The following KCNB2 variants were observed in gnomAD, a reference collection of about 807,000 sequenced individuals.
The protein encoded by KCNB2 is potassium voltage-gated channel subfamily B member 2, also known as delayed rectifier potassium channel protein.
Under a neutral mutation model 61.5 loss-of-function variants are expected in KCNB2, and 15 were observed. The observed-to-expected ratio is 0.24, with a 90% CI of 0.16 to 0.38. The LOEUF is 0.38. Among genes scored for constraint, KCNB2 ranks in the 10% least tolerant of loss-of-function variants. The pLI is 1.00. For missense variants in KCNB2, 828 were observed against 1,125.2 expected, an observed-to-expected ratio of 0.74 and a Z score of 3.78; for synonymous variants, 457 against 446.0, an observed-to-expected ratio of 1.02 and a Z score of -0.31.
At chr8:72,639,104 A>G (rs905497832) in intron 2 of KCNB2, among the ~76,000 whole-genome samples, 3 of 152,080 alleles carry the variant, frequency 2.0e-5, no homozygotes, top group Non-Finnish European at 4.4e-5. Flanking sequence ...AATTTCAGAT[A>G]CTTCTATGGT....
chr8:72,829,508 T>A (rs1809654168), intron 2 of KCNB2, among the ~76,000 whole-genome samples: 1 of 152,212 alleles, frequency 6.6e-6, no homozygotes, highest in Admixed American at 6.5e-5. Flanking sequence ...GCGTTCATAG[T>A]TCCCAAAGAA....
At chr8:72,606,571 G>T (rs578055156) in intron 2 of KCNB2, among the ~76,000 whole-genome samples, 47 of 152,254 alleles carry the variant, frequency 3.1e-4, no homozygotes, top group African/African-American at 1.1e-3. Flanking sequence ...CAGCCTGGAG[G>T]CATTAGAGAG....
chr8:72,772,855 C>T (rs963546), intron 2 of KCNB2, among the ~76,000 whole-genome samples: 17,054 of 152,194 alleles, frequency 0.11, 1,396 homozygotes, highest in East Asian at 0.49. Flanking sequence ...TGGGGAACTC[C>T]ATTTTAGGTT....
chr8:72,680,243 G>A (rs1024496687), intron 2 of KCNB2, among the ~76,000 whole-genome samples: 3 of 152,176 alleles, frequency 2.0e-5, no homozygotes, highest in Non-Finnish European at 2.9e-5. Context: ...AGGCATGGGT[G>A]GAAGTGTGAA....
At chr8:72,836,115 T>G (rs1240264154) in intron 2 of KCNB2, among the ~76,000 whole-genome samples, 1 of 152,244 alleles carries the variant, frequency 6.6e-6, no homozygotes, top group African/African-American at 2.4e-5. Flanking sequence ...TCACCTGCCC[T>G]TGTTTCTCTT....
intron 2 of KCNB2, among the ~76,000 whole-genome samples, chr8:72,883,057 G>C (rs1265162144): frequency 6.6e-6 from 1 of 152,150 alleles, no homozygotes; most frequent in Non-Finnish European, 1.5e-5. Flanking sequence ...CCTGGTCCCA[G>C]AAGTCATTTA....
At chr8:72,551,732 T>C (rs1332693856) in intron 1 of KCNB2, among the ~76,000 whole-genome samples, 1 of 152,176 alleles carries the variant, frequency 6.6e-6, no homozygotes, top group Non-Finnish European at 1.5e-5. Flanking sequence ...TTTCAGGCAT[T>C]TACTCATTTA....
intron 2 of KCNB2, among the ~76,000 whole-genome samples, chr8:72,673,783 G>A (rs550385762): frequency 6.6e-6 from 1 of 152,172 alleles, no homozygotes; most frequent in South Asian, 2.1e-4. Flanking sequence ...AGTTGCCAGG[G>A]TCTGGGGGAC....
chr8:72,818,498 T>A (rs1368073837), intron 2 of KCNB2, among the ~76,000 whole-genome samples: 1 of 152,174 alleles, frequency 6.6e-6, no homozygotes, highest in Non-Finnish European at 1.5e-5. Context: ...CAGTCGTACC[T>A]CCTTCATACA....
At chr8:72,748,609 G>GT (rs758100543) in intron 2 of KCNB2, among the ~76,000 whole-genome samples, 3,102 of 91,726 alleles carry the variant, frequency 0.034, 89 homozygotes, top group African/African-American at 0.095. Flanking sequence ...TTTTTTTTTT[G>GT]TTGTTTTTTT....
chr8:72,919,504 A>C (rs150006276), intron 2 of KCNB2, among the ~76,000 whole-genome samples: 68 of 152,336 alleles, frequency 4.5e-4, no homozygotes, highest in African/African-American at 1.5e-3. Flanking sequence ...TTTTTCCATC[A>C]TCAGAAGAGA....
chr8:72,552,461 A>G (rs536467327), intron 1 of KCNB2, among the ~76,000 whole-genome samples: 2 of 152,362 alleles, frequency 1.3e-5, no homozygotes, highest in East Asian at 3.9e-4. Flanking sequence ...TATGTGATTT[A>G]TGTTGAAATA....
At chr8:72,768,464 C>T (rs771571172) in intron 2 of KCNB2, among the ~76,000 whole-genome samples, 4 of 152,056 alleles carry the variant, frequency 2.6e-5, no homozygotes, top group East Asian at 1.9e-4. Context: ...CGTGAGCTAC[C>T]GGGCCCAGCC....
chr8:72,794,550 G>A (rs1808997474), intron 2 of KCNB2, among the ~76,000 whole-genome samples: 1 of 121,972 alleles, frequency 8.2e-6, no homozygotes, highest in Non-Finnish European at 1.6e-5. Context: ...GGGCAACGGA[G>A]CAAGACTCCA....
chr8:72,578,469 T>G (rs1478201546), intron 2 of KCNB2, among the ~76,000 whole-genome samples: 1 of 152,194 alleles, frequency 6.6e-6, no homozygotes, highest in African/African-American at 2.4e-5. Flanking sequence ...ATTCTGCAGG[T>G]GTGAAAATTA....
At chr8:72,611,246 T>A (rs985301773) in intron 2 of KCNB2, among the ~76,000 whole-genome samples, 1 of 152,224 alleles carries the variant, frequency 6.6e-6, no homozygotes, top group Non-Finnish European at 1.5e-5. Flanking sequence ...TTTTTAAAGT[T>A]GATCAGTATT....
chr8:72,659,294 A>G (rs936892305), intron 2 of KCNB2, among the ~76,000 whole-genome samples: 1 of 152,214 alleles, frequency 6.6e-6, no homozygotes, highest in Admixed American at 6.5e-5. Flanking sequence ...CAAGAGAACA[A>G]GAATTAGAAT....
chr8:72,752,460 G>A (rs1044324188), intron 2 of KCNB2, among the ~76,000 whole-genome samples: 1 of 152,174 alleles, frequency 6.6e-6, no homozygotes, highest in African/African-American at 2.4e-5. Context: ...AATATGCAGA[G>A]GAAGGAATTT....
intron 2 of KCNB2, among the ~76,000 whole-genome samples, chr8:72,609,633 C>T (rs1805507022): frequency 6.6e-6 from 1 of 152,054 alleles, no homozygotes; most frequent in African/African-American, 2.4e-5. Flanking sequence ...GAATTTACAT[C>T]AGAATCTGGT....
Sources: gnomAD v4.1 joint callset for allele counts (sites outside exome capture counted in the v4.1 genomes callset) on GRCh38, gnomAD v4.1.1 for gene constraint, MANE v1.5 for transcripts, NCBI Gene and HGNC (gene_info 2026-07-23, HGNC 2026-07-21) for gene names.